CSMD1: variants seen among roughly 807,000 people sequenced by gnomAD.
CSMD1 encodes CUB and sushi domain-containing protein 1.
A neutral mutation model predicts 417.5 loss-of-function variants in CSMD1; 213 were observed. That is an observed-to-expected ratio of 0.51 (90% CI 0.46 to 0.57). The LOEUF (loss-of-function observed/expected upper bound fraction) is 0.57. Among genes scored for constraint, CSMD1 ranks in the 20% least tolerant of loss-of-function variants. The pLI, the probability that CSMD1 is intolerant of heterozygous loss-of-function variation, is 0.00. For synonymous variants in CSMD1, 2,862 were observed against 1,736.8 expected (o/e 1.65, Z -16.11); for missense variants, 6,923 against 4,529.7 (o/e 1.53, Z -15.17).
intron 1 of CSMD1, among the ~76,000 whole-genome samples, chr8:4,808,107 T>A (rs17071450): frequency 0.07 from 10,715 of 152,216 alleles, 638 homozygotes; most frequent in East Asian, 0.24. Flanking sequence ...CTTGCAATTA[T>A]GTTTCCTGGG....
At chr8:4,787,321 C>A in intron 1 of CSMD1, 1 of 721,656 alleles carries the variant, frequency 1.4e-6, no homozygotes, top group South Asian at 1.5e-5. Flanking sequence ...GCCCTCAGCC[C>A]ACTCAGGATA....
At chr8:3,148,742 CA>C (rs1819005009) in intron 40 of CSMD1, among the ~76,000 whole-genome samples, 3 of 152,280 alleles carry the variant, frequency 2.0e-5, no homozygotes, top group African/African-American at 7.2e-5. Context: ...GAACTCCTAC[CA>C]GGGGCATCAT....
chr8:3,145,897 T>A (rs925760455), intron 40 of CSMD1, among the ~76,000 whole-genome samples: 2 of 152,246 alleles, frequency 1.3e-5, no homozygotes, highest in African/African-American at 4.8e-5. Flanking sequence ...CAGTGACAAG[T>A]CACCTGCACA....
At chr8:4,846,700 G>C (rs1385952675) in intron 1 of CSMD1, among the ~76,000 whole-genome samples, 1 of 152,130 alleles carries the variant, frequency 6.6e-6, no homozygotes, top group Non-Finnish European at 1.5e-5. Flanking sequence ...CTTGAACTTG[G>C]TCCCATTTTA....
At chr8:3,493,794 C>T in intron 10 of CSMD1, 68 bp from the exon 11 acceptor site, 1 of 1,297,692 alleles carries the variant, frequency 7.7e-7, no homozygotes. Flanking sequence ...ATAGGTATTG[C>T]AAATATCTAG....
intron 6 of CSMD1, among the ~76,000 whole-genome samples, chr8:3,735,733 G>T (rs1292620252): frequency 6.6e-6 from 1 of 152,162 alleles, no homozygotes; most frequent in Non-Finnish European, 1.5e-5. Context: ...TTTGGAGCAA[G>T]GCCTACCACA....
intron 3 of CSMD1, among the ~76,000 whole-genome samples, chr8:4,100,249 G>C (rs943380583): frequency 1.3e-5 from 2 of 152,138 alleles, no homozygotes; most frequent in Non-Finnish European, 2.9e-5. Flanking sequence ...AAAACAGTAG[G>C]CATGCAGTTA....
chr8:4,821,589 C>T (rs1033923082), intron 1 of CSMD1, among the ~76,000 whole-genome samples: 2 of 152,148 alleles, frequency 1.3e-5, no homozygotes, highest in South Asian at 2.1e-4. Context: ...GCTCTTCCTA[C>T]AGAGTCTCAT....
intron 1 of CSMD1, among the ~76,000 whole-genome samples, chr8:4,890,203 A>G (rs1585271510): frequency 6.6e-6 from 1 of 152,162 alleles, no homozygotes; most frequent in Non-Finnish European, 1.5e-5. Context: ...TCTCATAAAC[A>G]CACTTGATCT....
chr8:3,686,964 T>A (rs1165958257), intron 7 of CSMD1, among the ~76,000 whole-genome samples: 3 of 152,168 alleles, frequency 2.0e-5, no homozygotes, highest in African/African-American at 7.2e-5. Flanking sequence ...CATATCCACA[T>A]AGAAGAAGCT....
chr8:4,675,613 G>C (rs931100476), intron 1 of CSMD1, among the ~76,000 whole-genome samples: 37 of 151,908 alleles, frequency 2.4e-4, no homozygotes, highest in African/African-American at 8.2e-4. Flanking sequence ...TTACAATGAG[G>C]ACAGAATAAA....
In CSMD1 at chr8:4,205,158, G is replaced by C. The variant is rs115865992; in HGVS notation, c.416-173059C>G. On this transcript the variant is annotated intron_variant, in intron 3 of 69. Coordinates refer to ENST00000635120, the MANE Select transcript of CSMD1 (RefSeq NM_033225.6). ...ACTCTGTTGAATGAAATTGTTCTTA[G>C]AGAGAAAACTGGGTGAAGAAACATC... Among the ~76,000 whole-genome samples, 268 of 150,338 alleles carry C rather than the reference G, an allele frequency of 1.8e-3. 2 individuals carry two copies. Among genetic ancestry groups the C allele is most frequent in the African/African-American group, 6.6e-3 (262 of 39,730 alleles).
At chr8:4,190,019 G>T (rs1328808184) in intron 3 of CSMD1, among the ~76,000 whole-genome samples, 1 of 151,942 alleles carries the variant, frequency 6.6e-6, no homozygotes, top group East Asian at 1.9e-4. Context: ...AGCACTTTGG[G>T]AGGCCAAGGC....
intron 3 of CSMD1, among the ~76,000 whole-genome samples, chr8:4,056,217 G>T (rs1406211821): frequency 6.6e-6 from 1 of 151,264 alleles, no homozygotes; most frequent in African/African-American, 2.4e-5. Flanking sequence ...GAGTAGCTGG[G>T]ATTACAGGTG....
At chr8:3,672,699 G>T (rs1408520526) in intron 7 of CSMD1, among the ~76,000 whole-genome samples, 1 of 152,118 alleles carries the variant, frequency 6.6e-6, no homozygotes, top group Non-Finnish European at 1.5e-5. Flanking sequence ...CTCCAGTGAT[G>T]GGCATGGTGG....
Position 4,705,439 on chromosome 8 carries a change from G to A in CSMD1, c.86-67881C>T, listed in dbSNP as rs1807868655. On this transcript the variant is annotated intron_variant, in intron 1 of 69. Transcript: ENST00000635120. Reference sequence around the variant, plus strand: ...ACAAAACCCTAATCCCCAGTCGCCTGTCATTCAAAAGTGTGCTCACATAGT... The same window carrying A: ...ACAAAACCCTAATCCCCAGTCGCCTATCATTCAAAAGTGTGCTCACATAGT... Among the ~76,000 whole-genome samples the A allele has an allele frequency of 2.0e-5, 3 of 152,154 alleles. 1 individual carries two copies. The highest frequency in any genetic ancestry group is 7.2e-5 in the African/African-American group (3 of 41,434).
intron 2 of CSMD1, among the ~76,000 whole-genome samples, chr8:4,543,660 C>T (rs989718053): frequency 4.8e-4 from 51 of 106,506 alleles, no homozygotes; most frequent in African/African-American, 1.9e-3. Flanking sequence ...GGGAAGGACA[C>T]GTTTAATTTT....
intron 11 of CSMD1, among the ~76,000 whole-genome samples, chr8:3,485,558 G>GAC (rs1434528794): frequency 9.3e-5 from 14 of 151,064 alleles, no homozygotes; most frequent in Admixed American, 3.3e-4. Context: ...GAGAGAGAGA[G>GAC]AGAGAGGGAG....
intron 12 of CSMD1, among the ~76,000 whole-genome samples, chr8:3,431,379 T>C (rs892473489): frequency 9.2e-5 from 14 of 152,170 alleles, no homozygotes; most frequent in African/African-American, 3.4e-4. Flanking sequence ...ATTTTCCCAC[T>C]AGGCAGTTGC....
Sources: allele counts gnomAD v4.1 joint callset (sites outside exome capture counted in the v4.1 genomes callset), GRCh38; gene constraint gnomAD v4.1.1; transcripts MANE v1.5; gene names NCBI Gene and HGNC (gene_info 2026-07-23, HGNC 2026-07-21).